The following AGAP1 variants were observed in gnomAD, a reference collection of about 807,000 sequenced individuals.
AGAP1 encodes the protein arf-GAP with GTPase, ANK repeat and PH domain-containing protein 1.
A neutral mutation model predicts 105.3 loss-of-function variants in AGAP1; 29 were observed. The observed-to-expected ratio is 0.28, with a 90% CI of 0.21 to 0.38. The LOEUF is 0.38. Ranked by LOEUF, AGAP1 falls within the 10% of genes least tolerant of loss-of-function variation. AGAP1 has a pLI of 1.00. For missense variants in AGAP1, 998 were observed against 1,165.1 expected, an observed-to-expected ratio of 0.86 and a Z score of 2.09; for synonymous variants, 509 against 485.9, an observed-to-expected ratio of 1.05 and a Z score of -0.63.
rs1195215028 is a variant in AGAP1, at chr2:235,663,764, T to G, written c.164-45415T>G. 2.0e-5 allele frequency among the ~76,000 whole-genome samples: 3 copies of G among 152,240 alleles called. No individual in the cohort carries two copies. The highest frequency in any genetic ancestry group is 6.6e-5 in the Admixed American group (1 of 15,264). On this transcript the variant is annotated intron_variant, in intron 1 of 17. Coordinates refer to ENST00000304032, the MANE Select transcript of AGAP1 (RefSeq NM_001037131.3). The surrounding 1 kb of genome is among the most constrained non-coding windows in gnomAD (Gnocchi z 5.4). ...CAGGAAGCTCTTAGGAGAATCCAAA[T>G]CCGACTTCCCTGTGCTTTGAGAAGG...
Position 235,750,906 on chromosome 2 carries a change from AAGG to A in AGAP1, c.673+424_673+426del, listed in dbSNP as rs1394821807. 5.9e-5 allele frequency among the ~76,000 whole-genome samples: 9 copies of A among 152,304 alleles called. No homozygotes were observed. The highest frequency in any genetic ancestry group is 2.9e-5 in the Non-Finnish European group (2 of 68,024). On this transcript the variant is annotated intron_variant, in intron 6 of 17. Transcript: ENST00000304032. The surrounding 1 kb of genome is among the most constrained non-coding windows in gnomAD (Gnocchi z 5.3). Reference sequence around the variant, plus strand: ...TATTAGGCTTTGAGAAGAGAACTGAAAGGAGGAGAGAGAGAGTCAAGTTTGGAC... The same window carrying A: ...TATTAGGCTTTGAGAAGAGAACTGAAAGGAGAGAGAGAGTCAAGTTTGGAC...
rs1003703894 is a variant in AGAP1, at chr2:235,906,536, C to T, written c.1156-2202C>T. ...TCCCCCGCCAGTGTGGCTGTGCCCTCATGTAAAGAGGTTCTCCTCCCGCCC... is the reference window on the plus strand; with the variant it reads ...TCCCCCGCCAGTGTGGCTGTGCCCTTATGTAAAGAGGTTCTCCTCCCGCCC... On this transcript the variant is annotated intron_variant, in intron 10 of 17. Transcript: ENST00000304032. The surrounding 1 kb of genome is among the most constrained non-coding windows in gnomAD (Gnocchi z 5.3). 2.0e-5 allele frequency among the ~76,000 whole-genome samples: 3 copies of T among 152,148 alleles called. No homozygotes were observed. Among genetic ancestry groups the T allele is most frequent in the Non-Finnish European group, 4.4e-5 (3 of 68,036 alleles).
intron 13 of AGAP1, among the ~76,000 whole-genome samples, chr2:236,016,381 C>CTTTTTTTTTTTTT (rs151088125): frequency 8.7e-6 from 1 of 114,676 alleles, no homozygotes; most frequent in Non-Finnish European, 1.8e-5. Context: ...GTTGGGTTTG[C>CTTTTTTTTTTTTT]TTTTTTTTTT....
chr2:235,609,160 G>T lies in AGAP1; in HGVS notation c.164-100019G>T, dbSNP rs1380290349. The stretch of plus-strand genomic sequence containing the variant: ...TTTTTGGCAGTTTTCTTTCTTGATG[G>T]TGGGGAGGGTTTGTGACCAGGTCCT... On this transcript the variant is annotated intron_variant, in intron 1 of 17. Coordinates refer to ENST00000304032, the MANE Select transcript of AGAP1 (RefSeq NM_001037131.3). This position sits in a 1 kb window ranked among gnomAD's most constrained non-coding sequence, Gnocchi z 5.1. 6.6e-6 allele frequency among the ~76,000 whole-genome samples: 1 copy of T among 152,140 alleles called. No homozygotes were observed. The highest frequency in any genetic ancestry group is 1.5e-5 in the Non-Finnish European group (1 of 68,030).
intron 2 of AGAP1, among the ~76,000 whole-genome samples, chr2:235,717,184 G>A (rs754590141): frequency 4.6e-5 from 7 of 152,110 alleles, no homozygotes; most frequent in African/African-American, 7.2e-5. Flanking sequence ...CTCTGCCCTC[G>A]GGTGCCACCT....
intron 1 of AGAP1, chr2:235,670,728 C>T (rs1300146640): frequency 1.4e-5 from 12 of 848,704 alleles, no homozygotes; most frequent in Non-Finnish European, 1.9e-5. Context: ...AAGCGCAACA[C>T]CCTGGACGTG....
chr2:235,780,579 G>T (rs888660936), intron 6 of AGAP1, among the ~76,000 whole-genome samples: 2 of 152,152 alleles, frequency 1.3e-5, no homozygotes, highest in African/African-American at 4.8e-5. Flanking sequence ...CTGTGGCAAG[G>T]TATGTTTATA....
chr2:235,657,282 A>G (rs561155527), intron 1 of AGAP1, among the ~76,000 whole-genome samples: 2 of 152,288 alleles, frequency 1.3e-5, no homozygotes, highest in Non-Finnish European at 2.9e-5. Flanking sequence ...TTATGTCGCT[A>G]TTTGAGTTTT....
At position 236,073,328 on chromosome 2, in the gene AGAP1, T is replaced by C. The variant is rs904339992; in HGVS notation, c.2114+24047T>C. On this transcript the variant is annotated intron_variant, in intron 16 of 17. Coordinates refer to ENST00000304032, the MANE Select transcript of AGAP1 (RefSeq NM_001037131.3). The surrounding 1 kb of genome is among the most constrained non-coding windows in gnomAD (Gnocchi z 5.4). Reference sequence around the variant, plus strand: ...TCTTTTATTCTGAGCCTTTGACACATCAGTAGGTTATTTCACACAGCACAT... The same window carrying C: ...TCTTTTATTCTGAGCCTTTGACACACCAGTAGGTTATTTCACACAGCACAT... Among the ~76,000 whole-genome samples the C allele has an allele frequency of 7.2e-5, 11 of 152,082 alleles. No individual in the cohort carries two copies. Among genetic ancestry groups the C allele is most frequent in the Non-Finnish European group, 1.6e-4 (11 of 68,024 alleles).
Position 235,905,999 on chromosome 2 carries a change from G to C in AGAP1, c.1156-2739G>C, listed in dbSNP as rs1322843866. ...TCAACTTCCAAGTGGAATCCCTTTC[G>C]GGGGCTGGTGAAGTCAGATTTGTTG... On this transcript the variant is annotated intron_variant, in intron 10 of 17. Coordinates refer to ENST00000304032, the MANE Select transcript of AGAP1 (RefSeq NM_001037131.3). The surrounding 1 kb of genome is among the most constrained non-coding windows in gnomAD (Gnocchi z 4.2). Among the ~76,000 whole-genome samples, 3 of 151,976 alleles carry C rather than the reference G, an allele frequency of 2.0e-5. No homozygotes were observed. The highest frequency in any genetic ancestry group is 4.4e-5 in the Non-Finnish European group (3 of 68,010).
In AGAP1 at chr2:235,799,295, G is replaced by A. The variant is rs1957384590; in HGVS notation, c.802-72G>A. 6.5e-7 allele frequency: 1 copy of A among 1,549,498 alleles called. No homozygotes were observed. Among genetic ancestry groups the A allele is most frequent in the African/African-American group, 1.4e-5 (1 of 73,732 alleles). ...GGGCTCATGCTCACTTGTTGGTTAT[G>A]ACCTTGCCTAAGTGGAGGTCTTGGG... On this transcript the variant is annotated intron_variant, in intron 7 of 17. Transcript: ENST00000304032. This position sits in a 1 kb window ranked among gnomAD's most constrained non-coding sequence, Gnocchi z 5.0.
Position 235,882,086 on chromosome 2 carries a change from T to C in AGAP1, c.1051-1259T>C, listed in dbSNP as rs2050052630. Among the ~76,000 whole-genome samples, 1 of 152,130 alleles carries C rather than the reference T, an allele frequency of 6.6e-6. No homozygotes were observed. Among genetic ancestry groups the C allele is most frequent in the Admixed American group, 6.6e-5 (1 of 15,264 alleles). On this transcript the variant is annotated intron_variant, in intron 9 of 17. Transcript: ENST00000304032. The surrounding 1 kb of genome is among the most constrained non-coding windows in gnomAD (Gnocchi z 4.6). ...TGTTTTGTTTTGGTGGGTTTTTTTG[T>C]GTTTGGTTGTTTTTGTTTTTGTTCT...
intron 12 of AGAP1, among the ~76,000 whole-genome samples, chr2:235,950,775 A>G (rs1032586529): frequency 5.9e-5 from 9 of 152,056 alleles, no homozygotes; most frequent in African/African-American, 1.4e-4. Flanking sequence ...TTTTAAAGCA[A>G]TTTTCCCTAA....
intron 1 of AGAP1, among the ~76,000 whole-genome samples, chr2:235,520,265 T>G (rs943411929): frequency 5.3e-5 from 8 of 152,232 alleles, no homozygotes; most frequent in Non-Finnish European, 1.2e-4. Context: ...TGTCTCATGA[T>G]TACCATAACT....
At chr2:235,698,271 C>CGCTTT (rs11282784) in intron 1 of AGAP1, among the ~76,000 whole-genome samples, 42,939 of 151,738 alleles carry the variant, frequency 0.28, 6,761 homozygotes, top group African/African-American at 0.4. Flanking sequence ...GATGAAGCTT[C>CGCTTT]GCTTTGCTTG....
At position 235,577,542 on chromosome 2, in the gene AGAP1, C is replaced by G. The variant is rs889954643; in HGVS notation, c.163+82693C>G. ...GATCGGAAGCTCCTGTGTCCCTGGT[C>G]GCTTGCTGGAGTCGGTGGGAGCTGA... On this transcript the variant is annotated intron_variant, in intron 1 of 17. Transcript: ENST00000304032. This position sits in a 1 kb window ranked among gnomAD's most constrained non-coding sequence, Gnocchi z 4.5. 1.3e-5 allele frequency among the ~76,000 whole-genome samples: 2 copies of G among 152,090 alleles called. No homozygotes were observed. The highest frequency in any genetic ancestry group is 4.8e-5 in the African/African-American group (2 of 41,394).
chr2:235,835,237 C>T (rs944784935), intron 9 of AGAP1, among the ~76,000 whole-genome samples: 1 of 152,124 alleles, frequency 6.6e-6, no homozygotes, highest in African/African-American at 2.4e-5. Context: ...TCAGTGGCTC[C>T]CCATGGCCTG....
At chr2:235,697,277 C>T (rs1950041837) in intron 1 of AGAP1, among the ~76,000 whole-genome samples, 1 of 152,198 alleles carries the variant, frequency 6.6e-6, no homozygotes, top group African/African-American at 2.4e-5. Context: ...CCAGGCGTTC[C>T]ATGTAGAGCA....
chr2:235,675,567 A>C (rs1948694491), intron 1 of AGAP1, among the ~76,000 whole-genome samples: 1 of 152,104 alleles, frequency 6.6e-6, no homozygotes, highest in African/African-American at 2.4e-5. Flanking sequence ...ATTAGAATTG[A>C]TTATCTACAG....
Sources: gnomAD v4.1 joint callset for allele counts (sites outside exome capture counted in the v4.1 genomes callset) on GRCh38, gnomAD v4.1.1 for gene constraint, Gnocchi (gnomAD v3.1) non-coding constraint, MANE v1.5 for transcripts, NCBI Gene and HGNC (gene_info 2026-07-23, HGNC 2026-07-21) for gene names.